The following MACF1 variants were observed in gnomAD, a reference collection of about 807,000 sequenced individuals.
MACF1 encodes the protein microtubule-actin cross-linking factor 1.
In MACF1, 193 loss-of-function variants were observed where a neutral mutation model predicts 854.8. The observed-to-expected ratio is 0.23, with a 90% CI of 0.20 to 0.25. The LOEUF is 0.25. Among genes scored for constraint, MACF1 ranks in the 10% least tolerant of loss-of-function variants. MACF1 has a pLI of 1.00. For missense variants in MACF1, 7,722 were observed against 8,929.1 expected, an observed-to-expected ratio of 0.86 and a Z score of 5.45; for synonymous variants, 3,185 against 3,226.7, an observed-to-expected ratio of 0.99 and a Z score of 0.44.
intron 2 of MACF1, among the ~76,000 whole-genome samples, chr1:39,157,214 C>T (rs953617369): frequency 2.3e-4 from 35 of 152,300 alleles, no homozygotes; most frequent in Middle Eastern, 3.4e-3. Context: ...AAGCAGTCCG[C>T]CCACCTTACC....
Position 39,433,121 on chromosome 1 carries a change from G to A in MACF1, c.17531G>A (p.Gly5844Asp), listed in dbSNP as rs922163645. Residue 5844 changes from glycine (G) to aspartate (D), a missense_variant, in exon 68 of 101, where the codon GGC becomes GAC. Physicochemically the swap from Gly to Asp is moderately conservative, Grantham distance 94 (BLOSUM62 -1). Around this residue, in one of 15 missense-constraint regions of MACF1, gnomAD observed 2,807 missense variants for 3,235.8 expected, o/e 0.87. Transcript: ENST00000564288. ...ELFSHRSEIFGTCGEEQKTVL... is the reference protein window; with the variant it reads ...ELFSHRSEIFDTCGEEQKTVL... ...TTCAGTCACCGTAGTGAAATCTTTGGCACATGTGGGGAGGAGCAAAAAACT... is the reference window on the plus strand; with the variant it reads ...TTCAGTCACCGTAGTGAAATCTTTGACACATGTGGGGAGGAGCAAAAAACT... 1 of 1,611,592 alleles carries A rather than the reference G, an allele frequency of 6.2e-7. No homozygotes were observed.
intron 2 of MACF1, among the ~76,000 whole-genome samples, chr1:39,144,371 G>T (rs1037233133): frequency 6.6e-6 from 1 of 151,920 alleles, no homozygotes; most frequent in Non-Finnish European, 1.5e-5. Flanking sequence ...GTAAGCCACC[G>T]CCCCCAGCTG....
intron 23 of MACF1, among the ~76,000 whole-genome samples, chr1:39,309,216 T>G (rs749049211): frequency 1.3e-5 from 2 of 152,130 alleles, no homozygotes; most frequent in Non-Finnish European, 2.9e-5. Context: ...TGCATAATGC[T>G]GTAGCAAATC....
At chr1:39,255,825 A>G (rs1044696221) in intron 5 of MACF1, among the ~76,000 whole-genome samples, 5 of 152,250 alleles carry the variant, frequency 3.3e-5, no homozygotes, top group Admixed American at 2.6e-4. Context: ...GTGTGGAGCT[A>G]GAGGAAGCTG....
chr1:39,331,383 A>C lies in MACF1; in HGVS notation c.4795A>C (p.Ile1599Leu). Residue 1599 changes from isoleucine (I) to leucine (L), a missense_variant, in exon 37 of 101, where the codon ATA becomes CTA. Ile to Leu is a conservative substitution (Grantham distance 5). Coordinates refer to ENST00000564288, the MANE Select transcript of MACF1 (RefSeq NM_001394062.1). ...TGAAAACCTCTCTTTGGAGGAGGGC[A>C]TAGCCAGAAACCTCATTAATCCCCA... ...TGENLSLEEG[I>L]ARNLINPQMY... 7 of 1,613,804 alleles carry C rather than the reference A, an allele frequency of 4.3e-6. No homozygotes were observed. Among genetic ancestry groups the C allele is most frequent in the Non-Finnish European group, 5.1e-6 (6 of 1,179,930 alleles).
Position 39,353,165 on chromosome 1 carries a change from C to G in MACF1, c.11358C>G (p.Thr3786=), listed in dbSNP as rs900956305. ...GASLEKGALD[T]TDGYMGVNQA... is the part of the protein sequence containing the mutation. ...GCTTGGAGAAAGGAGCCTTGGACAC[C>G]ACTGATGGTTACATGGGGGTGAATC... The change falls in exon 44 of 101, where the codon ACC becomes ACG. Residue 3786 remains threonine (T), a synonymous_variant. Transcript: ENST00000564288. 6.2e-7 allele frequency: 1 copy of G among 1,613,672 alleles called. No homozygotes were observed. The highest frequency in any genetic ancestry group is 1.3e-5 in the African/African-American group (1 of 75,034).
intron 6 of MACF1, among the ~76,000 whole-genome samples, chr1:39,263,109 A>G (rs1645184570): frequency 6.6e-6 from 1 of 152,200 alleles, no homozygotes; most frequent in Non-Finnish European, 1.5e-5. Flanking sequence ...ATGTAAAGCC[A>G]AATGGAAATG....
rs555083754 is a variant in MACF1, at chr1:39,468,530, C to G, written c.21772-85C>G. 4.0e-5 allele frequency: 43 copies of G among 1,065,168 alleles called. No individual in the cohort carries two copies. The African/African-American group carries it at 6.0e-4, about 15-fold the overall frequency. 66.0% of individuals were successfully genotyped at this position (1,065,168 alleles called of 1,614,324 possible). A position where few individuals can be genotyped will look rare whatever the true frequency, so the allele number is the denominator to read the frequency against. Reference sequence around the variant, plus strand: ...TTCTGTAGCTATCAAATTGTCATTCCTGTCTGAATACAGTCTGCTTTGGGA... The same window carrying G: ...TTCTGTAGCTATCAAATTGTCATTCGTGTCTGAATACAGTCTGCTTTGGGA... On this transcript the variant is annotated intron_variant, in intron 95 of 100. Transcript: ENST00000564288.
intron 58 of MACF1, among the ~76,000 whole-genome samples, chr1:39,408,956 C>T (rs992256630): frequency 1.3e-5 from 2 of 152,134 alleles, no homozygotes; most frequent in African/African-American, 4.8e-5. Flanking sequence ...CGCCCCCGCC[C>T]TCGTCCTCCT....
At chr1:39,304,141 G>A (rs1044496998) in intron 23 of MACF1, among the ~76,000 whole-genome samples, 14 of 146,568 alleles carry the variant, frequency 9.6e-5, no homozygotes, top group Admixed American at 8.2e-4. Context: ...TTTACATTAG[G>A]TATATCTCCT....
At chr1:39,367,211 T>C (rs1183637189) in intron 49 of MACF1, among the ~76,000 whole-genome samples, 1 of 152,148 alleles carries the variant, frequency 6.6e-6, no homozygotes, top group Non-Finnish European at 1.5e-5. Context: ...CCTTCCAAAA[T>C]GCTAGGATTA....
At chr1:39,124,239 A>G (rs1329676849) in intron 2 of MACF1, among the ~76,000 whole-genome samples, 2 of 152,016 alleles carry the variant, frequency 1.3e-5, no homozygotes, top group Admixed American at 1.3e-4. Context: ...AGAAGCACCA[A>G]GTTTGTGATT....
intron 36 of MACF1, among the ~76,000 whole-genome samples, chr1:39,329,354 C>T (rs1375313742): frequency 6.6e-6 from 1 of 152,150 alleles, no homozygotes; most frequent in African/African-American, 2.4e-5. Context: ...ATCCTCAGTG[C>T]GTGTTTCTAA....
chr1:39,176,109 C>CAAAAAAAAAAAAA (rs773763271), intron 2 of MACF1, among the ~76,000 whole-genome samples: 3 of 13,346 alleles, frequency 2.2e-4, no homozygotes, highest in Non-Finnish European at 8.5e-4. Flanking sequence ...GACTCCTTCT[C>CAAAAAAAAAAAAA]AAAAAAAAAA....
chr1:39,316,652 T>C (rs1015651072), intron 28 of MACF1, 123 bp downstream of exon 28: 56 of 880,288 alleles, frequency 6.4e-5, no homozygotes, highest in Non-Finnish European at 7.6e-5. Context: ...AGGCAGAATG[T>C]CATTAAATAT....
rs758614703 is a variant in MACF1 at position 39,434,421 on chromosome 1, C to T, written c.17573C>T (p.Thr5858Ile). The T allele has an allele frequency of 5.3e-6, 7 of 1,331,592 alleles. No individual in the cohort carries two copies. The East Asian group carries it at 1.3e-4, about 25-fold the overall frequency. The allele number at this position is 1,331,592 out of a possible 1,614,324, so 82.5% of individuals were successfully genotyped here. Residue 5858 changes from threonine to isoleucine, a missense_variant, in exon 69 of 101, where the codon ACA (threonine) becomes ATA (isoleucine). Transcript: ENST00000564288. ...TTTTTTTTGCTCACATAGGAAAAGA[C>T]AGAGTCTCTAATACAGCAATATGAA... is the stretch of plus-strand genomic sequence containing the variant. ...EEQKTVLQEK[T>I]ESLIQQYEAI...
At chr1:39,148,890 T>C (rs1643517887) in intron 2 of MACF1, among the ~76,000 whole-genome samples, 1 of 152,218 alleles carries the variant, frequency 6.6e-6, no homozygotes, top group African/African-American at 2.4e-5. Flanking sequence ...TTTTACCATG[T>C]GGTTGGGTTT....
At chr1:39,229,951 CA>C (rs1309013094) in intron 1 of MACF1, among the ~76,000 whole-genome samples, 2 of 152,146 alleles carry the variant, frequency 1.3e-5, no homozygotes, top group Non-Finnish European at 2.9e-5. Flanking sequence ...CCATGTTGGC[CA>C]GGCTGGTCTC....
At chr1:39,358,623 C>A in intron 45 of MACF1, 74 bp from the exon 46 acceptor site, 1 of 1,409,400 alleles carries the variant, frequency 7.1e-7, no homozygotes, top group Non-Finnish European at 9.9e-7. Flanking sequence ...CAAAGCCAGG[C>A]CTCTTTCTTT....
Sources: allele counts gnomAD v4.1 joint callset (sites outside exome capture counted in the v4.1 genomes callset), GRCh38; gene constraint gnomAD v4.1.1; regional missense constraint gnomAD v4.1.1; transcripts MANE v1.5; gene names NCBI Gene and HGNC (gene_info 2026-07-23, HGNC 2026-07-21).